Variants in GRIK4 observed in about 807,000 individuals in gnomAD.
GRIK4 encodes the protein glutamate receptor ionotropic, kainate 4.
Under a neutral mutation model 104.9 loss-of-function variants are expected in GRIK4, and 40 were observed. That is an observed-to-expected ratio of 0.38 (90% CI 0.30 to 0.50). The LOEUF (loss-of-function observed/expected upper bound fraction) is 0.50. Ranked by LOEUF, GRIK4 falls within the 20% of genes least tolerant of loss-of-function variation. The pLI is 0.93. For synonymous variants in GRIK4, 485 were observed against 524.9 expected (o/e 0.92, Z 1.04); for missense variants, 1,047 against 1,308.1 (o/e 0.80, Z 3.08).
chr11:120,794,712 G>A (rs1206677996), intron 3 of GRIK4, among the ~76,000 whole-genome samples: 1 of 152,130 alleles, frequency 6.6e-6, no homozygotes, highest in Non-Finnish European at 1.5e-5. Flanking sequence ...TGTGAGAAAA[G>A]GAATTTTGGT....
At chr11:120,679,860 G>A (rs943631394) in intron 3 of GRIK4, among the ~76,000 whole-genome samples, 4 of 152,132 alleles carry the variant, frequency 2.6e-5, no homozygotes, top group South Asian at 2.1e-4. Flanking sequence ...TTTCAACATC[G>A]TTCCCATCCC....
rs1311313035 is a variant in GRIK4, at chr11:120,519,865, G to GTT, written c.-159+7991_-159+7992dup. ...TCTACCTCTGGCTACCTCACTACTG[G>GTT]TTTTTTTTTTTTTTGTTTTTTTTTT... On this transcript the variant is annotated intron_variant, in intron 1 of 20. Coordinates refer to ENST00000527524, the MANE Select transcript of GRIK4 (RefSeq NM_014619.5). Among the ~76,000 whole-genome samples, 1,007 of 102,054 alleles carry GTT rather than the reference G, an allele frequency of 9.9e-3. 24 individuals are homozygous for GTT. The highest frequency in any genetic ancestry group is 0.08 in the South Asian group (209 of 2,624). 67.0% of individuals were successfully genotyped at this position (102,054 alleles called of 152,430 possible).
chr11:120,806,635 T>TC (rs1385761173), intron 4 of GRIK4, among the ~76,000 whole-genome samples: 1 of 152,210 alleles, frequency 6.6e-6, no homozygotes. Flanking sequence ...GCTGTAGCAC[T>TC]CCAACAGGGC....
intron 1 of GRIK4, among the ~76,000 whole-genome samples, chr11:120,537,231 T>G (rs1348707863): frequency 6.6e-6 from 1 of 152,160 alleles, no homozygotes; most frequent in Non-Finnish European, 1.5e-5. Flanking sequence ...ACATGCAGGA[T>G]CCCTTGTCTC....
intron 1 of GRIK4, among the ~76,000 whole-genome samples, chr11:120,594,868 C>G (rs1948781395): frequency 6.6e-6 from 1 of 152,178 alleles, no homozygotes; most frequent in Non-Finnish European, 1.5e-5. Context: ...ATGGGCTGCC[C>G]TCATACGAGA....
chr11:120,972,800 G>T (rs1311223344), intron 19 of GRIK4, among the ~76,000 whole-genome samples: 1 of 152,132 alleles, frequency 6.6e-6, no homozygotes, highest in Non-Finnish European at 1.5e-5. Context: ...GTTTGGCTGT[G>T]TAATGGGCTT....
At chr11:120,660,642 T>C (rs989768761) in intron 3 of GRIK4, among the ~76,000 whole-genome samples, 4 of 152,176 alleles carry the variant, frequency 2.6e-5, no homozygotes, top group Admixed American at 6.5e-5. Context: ...AACTCCCTAG[T>C]GCAGTCAATG....
At chr11:120,865,922 G>T (rs1343004615) in intron 9 of GRIK4, among the ~76,000 whole-genome samples, 1 of 152,136 alleles carries the variant, frequency 6.6e-6, no homozygotes, top group Non-Finnish European at 1.5e-5. Context: ...CTTGGTGGAA[G>T]GCAAGGGGAG....
intron 3 of GRIK4, among the ~76,000 whole-genome samples, chr11:120,796,853 G>A (rs980196834): frequency 7.2e-6 from 1 of 138,720 alleles, no homozygotes; most frequent in African/African-American, 2.7e-5. Context: ...GGGTCGCCAC[G>A]GCCACACTGA....
At chr11:120,954,858 G>T (rs572095371) in intron 15 of GRIK4, among the ~76,000 whole-genome samples, 1 of 147,494 alleles carries the variant, frequency 6.8e-6, no homozygotes, top group Non-Finnish European at 1.5e-5. Flanking sequence ...AGGGTATTCT[G>T]TCTTAAGGTA....
At chr11:120,855,852 C>T (rs1368595403) in intron 8 of GRIK4, among the ~76,000 whole-genome samples, 4 of 152,386 alleles carry the variant, frequency 2.6e-5, no homozygotes, top group South Asian at 2.1e-4. Flanking sequence ...CGTGAGCCAC[C>T]GCGCCCGGCC....
chr11:120,818,205 C>T (rs1278177690), intron 5 of GRIK4, among the ~76,000 whole-genome samples: 1 of 152,180 alleles, frequency 6.6e-6, no homozygotes, highest in Admixed American at 6.5e-5. Flanking sequence ...GGATTCGCTG[C>T]TAATGGAATG....
At chr11:120,828,820 A>G (rs1170861273) in intron 6 of GRIK4, among the ~76,000 whole-genome samples, 4 of 152,200 alleles carry the variant, frequency 2.6e-5, no homozygotes, top group African/African-American at 9.7e-5. Context: ...TGTTTAAAGG[A>G]CAGCAGAACT....
intron 4 of GRIK4, among the ~76,000 whole-genome samples, chr11:120,805,760 C>G (rs951248183): frequency 1.3e-5 from 2 of 152,114 alleles, no homozygotes; most frequent in African/African-American, 4.8e-5. Flanking sequence ...AGTAAGGGGG[C>G]AGGTGGGTTG....
rs76574729 is a variant in GRIK4, at chr11:120,694,505, T to G, written c.82+34105T>G. On this transcript the variant is annotated intron_variant, in intron 3 of 20. Transcript: ENST00000527524. ...AGGAGAATGACAAGAGATTGGAGGT[T>G]GAGCTCTGTTTCCCCACCCACCCCC... 7.8e-3 allele frequency among the ~76,000 whole-genome samples: 1,195 copies of G among 152,320 alleles called. 56 individuals are homozygous for G. The East Asian group carries it at 0.13, about 17-fold the overall frequency.
At chr11:120,840,369 A>G (rs1247479538) in intron 8 of GRIK4, among the ~76,000 whole-genome samples, 2 of 152,146 alleles carry the variant, frequency 1.3e-5, no homozygotes, top group African/African-American at 4.8e-5. Flanking sequence ...GATGTTAGAG[A>G]CTTGATCAGT....
intron 8 of GRIK4, among the ~76,000 whole-genome samples, chr11:120,839,473 A>G (rs1357890885): frequency 6.6e-6 from 1 of 152,198 alleles, no homozygotes; most frequent in Non-Finnish European, 1.5e-5. Flanking sequence ...GCCTCGGGAG[A>G]TAATGTACAC....
At chr11:120,613,823 C>A (rs1473878044) in intron 1 of GRIK4, among the ~76,000 whole-genome samples, 1 of 152,110 alleles carries the variant, frequency 6.6e-6, no homozygotes, top group Admixed American at 6.5e-5. Flanking sequence ...CTGCACACTG[C>A]CCTGCTCACT....
At chr11:120,787,852 CTTTTTTTTTTTTT>C (rs58523604) in intron 3 of GRIK4, among the ~76,000 whole-genome samples, 7 of 77,110 alleles carry the variant, frequency 9.1e-5, no homozygotes, top group Admixed American at 5.0e-4. Context: ...CTTTTCTTTT[CTTTTTTTTTTTTT>C]TTTTTTTTTT....
Sources: gnomAD v4.1 joint callset for allele counts (sites outside exome capture counted in the v4.1 genomes callset) on GRCh38, gnomAD v4.1.1 for gene constraint, MANE v1.5 for transcripts, NCBI Gene and HGNC (gene_info 2026-07-23, HGNC 2026-07-21) for gene names.